The following ABCA13 variants were observed in gnomAD, a reference collection of about 807,000 sequenced individuals.
ABCA13 encodes the protein ATP binding cassette subfamily A member 13.
A neutral mutation model predicts 478.7 loss-of-function variants in ABCA13; 476 were observed. The ratio of observed to expected loss-of-function variants is 0.99; its 90% CI spans 0.92 to 1.07. ABCA13 has a LOEUF of 1.07. Among genes scored for constraint, ABCA13 ranks in the 50% least tolerant of loss-of-function variants. ABCA13 has a pLI of 0.00. For missense variants in ABCA13, 6,060 were observed against 5,910.6 expected, an observed-to-expected ratio of 1.03 and a Z score of -0.83; for synonymous variants, 2,252 against 2,158.9, an observed-to-expected ratio of 1.04 and a Z score of -1.20.
intron 42 of ABCA13, among the ~76,000 whole-genome samples, chr7:48,431,856 A>G (rs1822196197): frequency 6.6e-6 from 1 of 152,160 alleles, no homozygotes; most frequent in South Asian, 2.1e-4. Flanking sequence ...TTTCAATAAT[A>G]TTCATCCATT....
chr7:48,388,924 G>T, intron 36 of ABCA13, 116 bp from the exon 37 acceptor site: 1 of 1,200,326 alleles, frequency 8.3e-7, no homozygotes, highest in Non-Finnish European at 1.2e-6. Flanking sequence ...GAGTTGATTT[G>T]TGTGCTTCAC....
In ABCA13 at chr7:48,487,329, CAAAACA is replaced by C. The variant is rs796073780; in HGVS notation, c.13183-1902_13183-1897del. 1.1e-3 allele frequency among the ~76,000 whole-genome samples: 117 copies of C among 102,772 alleles called. 1 individual carries two copies. Among genetic ancestry groups the C allele is most frequent in the African/African-American group, 5.7e-3 (107 of 18,688 alleles). The allele number at this position is 102,772 out of a possible 152,430, so 67.4% of individuals were successfully genotyped here. On this transcript the variant is annotated intron_variant, in intron 47 of 61. Transcript: ENST00000435803. ...GTCTCAAAAAAAAAACAAAACAAAA[CAAAACA>C]AAAAAAACAAACAAACACAAACAGA...
At chr7:48,566,093 CT>C (rs1305972871) in intron 55 of ABCA13, among the ~76,000 whole-genome samples, 1 of 152,136 alleles carries the variant, frequency 6.6e-6, no homozygotes, top group Admixed American at 6.5e-5. Flanking sequence ...TTTCTTGACT[CT>C]CATTGACCTA....
intron 55 of ABCA13, among the ~76,000 whole-genome samples, chr7:48,533,607 A>T (rs761110512): frequency 6.6e-6 from 1 of 152,050 alleles, no homozygotes; most frequent in African/African-American, 2.4e-5. Flanking sequence ...GTCCTCCACT[A>T]TCATTGTGTT....
intron 59 of ABCA13, among the ~76,000 whole-genome samples, chr7:48,622,515 A>G (rs1297093462): frequency 6.6e-6 from 1 of 152,110 alleles, no homozygotes; most frequent in Admixed American, 6.5e-5. Context: ...GCAATACTGG[A>G]CCATCTCTTA....
chr7:48,498,658 C>G (rs981878938), intron 48 of ABCA13, among the ~76,000 whole-genome samples: 20 of 152,182 alleles, frequency 1.3e-4, no homozygotes, highest in African/African-American at 4.3e-4. Context: ...ATACTCCCCA[C>G]ATTCTGTACC....
chr7:48,183,741 C>G (rs1299261485), intron 1 of ABCA13, among the ~76,000 whole-genome samples: 1 of 152,166 alleles, frequency 6.6e-6, no homozygotes, highest in Non-Finnish European at 1.5e-5. Flanking sequence ...TCCGAATGAA[C>G]GAATGAGTGA....
intron 10 of ABCA13, among the ~76,000 whole-genome samples, chr7:48,242,265 G>A (rs1303954240): frequency 2.9e-5 from 4 of 136,838 alleles, no homozygotes; most frequent in African/African-American, 1.1e-4. Context: ...GCTGTACTTG[G>A]CTCTTAGTCC....
chr7:48,410,602 G>A lies in ABCA13; in HGVS notation c.12153G>A (p.Arg4051=), dbSNP rs1226902454. The change falls in exon 40 of 62, where the codon AGG becomes AGA. Residue 4051 remains arginine (R), a synonymous_variant. Coordinates refer to ENST00000435803, the MANE Select transcript of ABCA13 (RefSeq NM_152701.5). ...SDRVAVLQHG[R]LRCCGPPFCL... Reference sequence around the variant, plus strand: ...GCGTGGCCGTCCTCCAGCATGGGAGGCTCAGGTGCTGCGGTCCTCCCTTCT... The same window carrying A: ...GCGTGGCCGTCCTCCAGCATGGGAGACTCAGGTGCTGCGGTCCTCCCTTCT... The A allele has an allele frequency of 6.2e-7, 1 of 1,614,044 alleles. No homozygotes were observed. The highest frequency in any genetic ancestry group is 1.1e-5 in the South Asian group (1 of 91,084).
intron 55 of ABCA13, among the ~76,000 whole-genome samples, chr7:48,569,832 C>CT (rs1455566278): frequency 2.0e-5 from 3 of 151,972 alleles, no homozygotes; most frequent in Non-Finnish European, 4.4e-5. Flanking sequence ...GCTAATAAGT[C>CT]TTTTTATTTG....
At chr7:48,184,097 C>T (rs1796051442) in intron 1 of ABCA13, among the ~76,000 whole-genome samples, 1 of 152,140 alleles carries the variant, frequency 6.6e-6, no homozygotes, top group African/African-American at 2.4e-5. Flanking sequence ...TGCATATGGT[C>T]ACTGACAATG....
At chr7:48,322,249 C>T (rs530845869) in intron 27 of ABCA13, among the ~76,000 whole-genome samples, 16 of 152,308 alleles carry the variant, frequency 1.1e-4, no homozygotes, top group South Asian at 2.1e-4. Flanking sequence ...GTCTGGAAGC[C>T]GCCTGCAGAG....
At chr7:48,592,658 T>A (rs969135886) in intron 57 of ABCA13, among the ~76,000 whole-genome samples, 4 of 151,918 alleles carry the variant, frequency 2.6e-5, no homozygotes, top group Non-Finnish European at 5.9e-5. Flanking sequence ...ATTCAATGTA[T>A]CATTGAAAGT....
Position 48,391,934 on chromosome 7 carries a change from G to A in ABCA13, c.11668G>A (p.Gly3890Arg), listed in dbSNP as rs555503628. The A allele has an allele frequency of 8.7e-6, 14 of 1,613,762 alleles. No homozygotes were observed. In the South Asian group the frequency reaches 1.5e-4, roughly 18 times the overall value. ...TTTCTCTGGCAGATCCATGTTGACG[G>A]GGCTCCACCCTCCCACTTCTGGAAC... ...GKTTIISMLT[G>R]LHPPTSGTII... Residue 3890 changes from glycine to arginine, a missense_variant, in exon 38 of 62, where the codon GGG (glycine) becomes AGG (arginine). Physicochemically the swap from Gly to Arg is moderately radical, Grantham distance 125. Transcript: ENST00000435803.
intron 2 of ABCA13, among the ~76,000 whole-genome samples, 151 bp downstream of exon 2, chr7:48,193,203 G>A (rs145368784): frequency 3.9e-5 from 6 of 152,266 alleles, no homozygotes; most frequent in Non-Finnish European, 7.4e-5. Flanking sequence ...TGGAGTATAT[G>A]TCAATAAGCC....
At position 48,200,945 on chromosome 7, in the gene ABCA13, A is replaced by T. The variant is rs929885668; in HGVS notation, c.287+2585A>T. On this transcript the variant is annotated intron_variant, in intron 3 of 61. Coordinates refer to ENST00000435803, the MANE Select transcript of ABCA13 (RefSeq NM_152701.5). ...TTGTTGGGGAAACCAGCCCCACACC[A>T]CCTGGCAGGTACCCCAAGTCCAGCG... 5.3e-5 allele frequency among the ~76,000 whole-genome samples: 8 copies of T among 152,206 alleles called. No homozygotes were observed. In the East Asian group the frequency reaches 1.5e-3, roughly 29 times the overall value.
At chr7:48,291,305 C>T (rs141400588) in intron 20 of ABCA13, among the ~76,000 whole-genome samples, 39 of 152,286 alleles carry the variant, frequency 2.6e-4, no homozygotes, top group African/African-American at 8.9e-4. Context: ...AAAATGGAGA[C>T]GGGCTTGAGC....
chr7:48,293,192 G>GCCCCCCCCCC lies in ABCA13; in HGVS notation c.8956-2507_8956-2498dup, dbSNP rs367570188. ...TTCATCATTTCCTGAGAAGTCTTCA[G>GCCCCCCCCCC]CCCCCCCCCCGCCACACACACACTA... On this transcript the variant is annotated intron_variant, in intron 20 of 61. Transcript: ENST00000435803. Among the ~76,000 whole-genome samples, 58 of 108,292 alleles carry GCCCCCCCCCC rather than the reference G, an allele frequency of 5.4e-4. 5 individuals are homozygous for GCCCCCCCCCC. The highest frequency in any genetic ancestry group is 1.2e-3 in the East Asian group (3 of 2,412). 71.0% of individuals were successfully genotyped at this position (108,292 alleles called of 152,430 possible).
intron 1 of ABCA13, among the ~76,000 whole-genome samples, chr7:48,179,253 T>C (rs930869301): frequency 3.9e-5 from 6 of 152,070 alleles, no homozygotes; most frequent in African/African-American, 1.2e-4. Flanking sequence ...TTTATGAGAT[T>C]GTATTGGAGG....
Sources: allele counts gnomAD v4.1 joint callset (sites outside exome capture counted in the v4.1 genomes callset), GRCh38; gene constraint gnomAD v4.1.1; transcripts MANE v1.5; gene names NCBI Gene and HGNC (gene_info 2026-07-23, HGNC 2026-07-21).